PGK2: variants seen among roughly 807,000 people sequenced by gnomAD.
The protein encoded by PGK2 is phosphoglycerate kinase 2.
A neutral mutation model predicts 5.2 loss-of-function variants in PGK2; 5 were observed. That is an observed-to-expected ratio of 0.96 (90% confidence interval 0.50 to 2.01). The LOEUF (loss-of-function observed/expected upper bound fraction) is 2.01, where lower values mean the gene tolerates loss of function less well. PGK2 is among the 30% of genes most tolerant of loss of function. The probability of loss-of-function intolerance (pLI) is 0.01; values close to 1 mark genes in which losing one functional copy is unlikely to be tolerated. For missense variants in PGK2, 588 were observed against 506.8 expected (o/e 1.16, Z -1.54); for synonymous variants, 210 against 182.6 (o/e 1.15, Z -1.21).
rs778772605 is a variant in PGK2, at chr6:49,786,503, C to G, written c.685G>C (p.Asp229His). 2 of 1,614,114 alleles carry G rather than the reference C, an allele frequency of 1.2e-6. No individual in the cohort carries two copies. Among genetic ancestry groups the G allele is most frequent in the Non-Finnish European group, 1.7e-6 (2 of 1,180,000 alleles). Residue 229 changes from aspartate to histidine, a missense_variant, in exon 1 of 1, where the codon GAC becomes CAC. Physicochemically the swap from Asp to His is moderately conservative, Grantham distance 81. Transcript: ENST00000304801. ...CCAATAATCATCTCATTGACTTTGTCCAGCATATTTTTGATAAGTTGGATC... is the reference window on the plus strand; with the variant it reads ...CCAATAATCATCTCATTGACTTTGTGCAGCATATTTTTGATAAGTTGGATC... Reference protein sequence around the residue: ...DKIQLIKNMLDKVNEMIIGGG... With the variant: ...DKIQLIKNMLHKVNEMIIGGG...
At position 49,785,786 on chromosome 6, in the gene PGK2, A is replaced by G; in HGVS notation, c.*148T>C. ...AACTAAAATGAATTGCTGTGCTGAT[A>G]TTAAGAGTTCCTGATGGCCTGCTGC... On this transcript the variant is annotated 3_prime_UTR_variant, in exon 1 of 1. Transcript: ENST00000304801. The G allele has an allele frequency of 1.6e-6, 1 of 641,852 alleles. No homozygotes were observed. The highest frequency in any genetic ancestry group is 1.8e-5 in the African/African-American group (1 of 54,830). The allele number at this position is 641,852 out of a possible 1,614,324, so 39.8% of individuals were successfully genotyped here.
In PGK2 at chr6:49,786,514, T is replaced by C. The variant is rs186743372; in HGVS notation, c.674A>G (p.Lys225Arg). Residue 225 changes from lysine to arginine, a missense_variant, in exon 1 of 1, where the codon AAA (lysine) becomes AGA (arginine). Coordinates refer to ENST00000304801, the MANE Select transcript of PGK2 (RefSeq NM_138733.5). Reference sequence around the variant, plus strand: ...CTCATTGACTTTGTCCAGCATATTTTTGATAAGTTGGATCTTGTCTGCCAC... The same window carrying C: ...CTCATTGACTTTGTCCAGCATATTTCTGATAAGTTGGATCTTGTCTGCCAC... The part of the protein sequence containing the change: ...AKVADKIQLI[K>R]NMLDKVNEMI... The C allele has an allele frequency of 8.8e-5, 142 of 1,614,148 alleles. No individual in the cohort carries two copies. The Middle Eastern group carries it at 2.1e-3, about 24-fold the overall frequency.
chr6:49,785,949 G>A lies in PGK2; in HGVS notation c.1239C>T (p.Ala413=), dbSNP rs755765158. Residue 413 remains alanine, a synonymous_variant, in exon 1 of 1, where the codon GCC becomes GCT. Coordinates refer to ENST00000304801, the MANE Select transcript of PGK2 (RefSeq NM_138733.5). Reference sequence around the variant, plus strand: ...ACTATATTAACTACATGTTGCTGAGGGCCTCTACTCCAGGAAGGATTTTAC... The same window carrying A: ...ACTATATTAACTACATGTTGCTGAGAGCCTCTACTCCAGGAAGGATTTTAC... The part of the protein sequence containing the change: ...LEGKILPGVE[A]LSNM 2 of 1,613,648 alleles carry A rather than the reference G, an allele frequency of 1.2e-6. No homozygotes were observed. Among genetic ancestry groups the A allele is most frequent in the African/African-American group, 2.7e-5 (2 of 74,886 alleles).
At position 49,786,145 on chromosome 6, in the gene PGK2, A is replaced by G; in HGVS notation, c.1043T>C (p.Phe348Ser). Residue 348 changes from phenylalanine (F) to serine (S), a missense_variant, in exon 1 of 1, where the codon TTT becomes TCT. Transcript: ENST00000304801. The part of the protein sequence containing the change: ...GPLGVFEWDA[F>S]AKGTKALMDE... ...CATGAGGGCTTTGGTTCCCTTAGCAAAGGCATCCCATTCAAATACTCCTAA... is the reference window on the plus strand; with the variant it reads ...CATGAGGGCTTTGGTTCCCTTAGCAGAGGCATCCCATTCAAATACTCCTAA... The G allele has an allele frequency of 1.2e-6, 2 of 1,614,104 alleles. No homozygotes were observed. The highest frequency in any genetic ancestry group is 2.2e-5 in the South Asian group (2 of 91,074).
chr6:49,786,277 G>A lies in PGK2; in HGVS notation c.911C>T (p.Ala304Val). Residue 304 changes from alanine to valine, a missense_variant, in exon 1 of 1, where the codon GCA (alanine) becomes GTA (valine). By Grantham distance (64) the Ala-to-Val change is moderately conservative. Transcript: ENST00000304801. ...ENAQVGKATV[A>V]SGISPGWMGL... ...CATCCAGCCAGGAGATATGCCAGAT[G>A]CTACAGTGGCTTTTCCAACCTGAGC... 1 of 1,614,152 alleles carries A rather than the reference G, an allele frequency of 6.2e-7. No homozygotes were observed. Among genetic ancestry groups the A allele is most frequent in the Non-Finnish European group, 8.5e-7 (1 of 1,180,006 alleles).
At position 49,786,132 on chromosome 6, in the gene PGK2, G is replaced by T. The variant is rs1428090790; in HGVS notation, c.1056C>A (p.Thr352=). 1.9e-6 allele frequency: 3 copies of T among 1,613,920 alleles called. No homozygotes were observed. Among genetic ancestry groups the T allele is most frequent in the Admixed American group, 1.7e-5 (1 of 59,964 alleles). The change falls in exon 1 of 1, where the codon ACC becomes ACA. Residue 352 remains threonine (T), a synonymous_variant. Transcript: ENST00000304801. The part of the protein sequence containing the change: ...VFEWDAFAKG[T]KALMDEIVKA... Reference sequence around the variant, plus strand: ...TCACAATTTCATCCATGAGGGCTTTGGTTCCCTTAGCAAAGGCATCCCATT... The same window carrying T: ...TCACAATTTCATCCATGAGGGCTTTTGTTCCCTTAGCAAAGGCATCCCATT...
Position 49,786,670 on chromosome 6 carries a change from T to C in PGK2, c.518A>G (p.His173Arg). ...CAGATTCACTCCCACCATGGAACTA[T>C]GAGCGCGGTGTGCAGTGCCAAAAGC... ...NDAFGTAHRA[H>R]SSMVGVNLPH... The change falls in exon 1 of 1, where the codon CAT becomes CGT. Residue 173 changes from histidine (H) to arginine (R), a missense_variant. By Grantham distance (29) the His-to-Arg change is conservative (BLOSUM62 0). Coordinates refer to ENST00000304801, the MANE Select transcript of PGK2 (RefSeq NM_138733.5). The C allele has an allele frequency of 1.2e-6, 2 of 1,614,166 alleles. No individual in the cohort carries two copies. Among genetic ancestry groups the C allele is most frequent in the Non-Finnish European group, 1.7e-6 (2 of 1,180,014 alleles).
At position 49,787,031 on chromosome 6, in the gene PGK2, T is replaced by C. The variant is rs201278163; in HGVS notation, c.157A>G (p.Asn53Asp). The C allele has an allele frequency of 7.7e-5, 125 of 1,613,980 alleles. No individual in the cohort carries two copies. Among genetic ancestry groups the C allele is most frequent in the Non-Finnish European group, 1.0e-4 (118 of 1,179,986 alleles). ...ATAAGAACTACTGCCTTGGCTCCAT[T>C]GTCCAGGCAGTACTTGATGCTTGGG... ...SIPSIKYCLD[N>D]GAKAVVLMSH... The change falls in exon 1 of 1, where the codon AAT (asparagine) becomes GAT (aspartate). Residue 53 changes from asparagine to aspartate, a missense_variant. Transcript: ENST00000304801.
rs753580221 is a variant in PGK2, at chr6:49,786,073, C to G, written c.1115G>C (p.Gly372Ala). The G allele has an allele frequency of 3.1e-6, 5 of 1,614,120 alleles. No homozygotes were observed. The highest frequency in any genetic ancestry group is 1.6e-4 in the Middle Eastern group (1 of 6,062). ...ATSKGCITVI[G>A]GGDTATCCAK... ...ACAGCAAGTAGCAGTGTCTCCACCC[C>G]CTATAACAGTGATGCAGCCCTTGGA... is the stretch of plus-strand genomic sequence containing the variant. Residue 372 changes from glycine (G) to alanine (A), a missense_variant, in exon 1 of 1, where the codon GGG becomes GCG. Gly to Ala is a moderately conservative substitution (Grantham distance 60). Transcript: ENST00000304801.
Position 49,786,492 on chromosome 6 carries a change from A to G in PGK2, c.696T>C (p.Asn232=), listed in dbSNP as rs777427058. 1.3e-6 allele frequency: 2 copies of G among 1,596,482 alleles called. No homozygotes were observed. Among genetic ancestry groups the G allele is most frequent in the South Asian group, 1.1e-5 (1 of 90,726 alleles). Residue 232 remains asparagine (N), a synonymous_variant, in exon 1 of 1, where the codon AAT becomes AAC. Transcript: ENST00000304801. The part of the protein sequence containing the change: ...QLIKNMLDKV[N]EMIIGGGMAY... The stretch of plus-strand genomic sequence containing the variant: ...CCATTCCACCACCAATAATCATCTC[A>G]TTGACTTTGTCCAGCATATTTTTGA...
chr6:49,786,425 C>A lies in PGK2; in HGVS notation c.763G>T (p.Ala255Ser). Reference protein sequence around the residue: ...LKVLNNMEIGASLFDEEGAKI... With the variant: ...LKVLNNMEIGSSLFDEEGAKI... Reference sequence around the variant, plus strand: ...GCTCCCTCTTCATCAAACAGGGAAGCACCAATCTCCATGTTGTTGAGTACC... The same window carrying A: ...GCTCCCTCTTCATCAAACAGGGAAGAACCAATCTCCATGTTGTTGAGTACC... Residue 255 changes from alanine (A) to serine (S), a missense_variant, in exon 1 of 1, where the codon GCT becomes TCT. Physicochemically the swap from Ala to Ser is moderately conservative, Grantham distance 99 (BLOSUM62 1). Coordinates refer to ENST00000304801, the MANE Select transcript of PGK2 (RefSeq NM_138733.5). The A allele has an allele frequency of 6.2e-7, 1 of 1,614,132 alleles. No homozygotes were observed. The highest frequency in any genetic ancestry group is 1.3e-5 in the African/African-American group (1 of 75,038).
rs2127460120 is a variant in PGK2 at position 49,787,168 on chromosome 6, A to T, written c.20T>A (p.Leu7Ter). The part of the protein sequence containing the change: MSLSKK[L>*]TLDKLDVRGK... ...TCTAACATCCAGTTTGTCTAAAGTCAACTTCTTAGAAAGAGACATCTTGAC... is the reference window on the plus strand; with the variant it reads ...TCTAACATCCAGTTTGTCTAAAGTCTACTTCTTAGAAAGAGACATCTTGAC... Residue 7 changes from leucine (L) to a stop codon, truncating the protein, a stop_gained, in exon 1 of 1, where the codon TTG becomes TAG. Transcript: ENST00000304801. LOFTEE classifies it low-confidence loss of function (END_TRUNC). 1 of 1,612,694 alleles carries T rather than the reference A, an allele frequency of 6.2e-7. No individual in the cohort carries two copies. Among genetic ancestry groups the T allele is most frequent in the Non-Finnish European group, 8.5e-7 (1 of 1,179,034 alleles).
chr6:49,786,862 G>A lies in PGK2; in HGVS notation c.326C>T (p.Ala109Val), dbSNP rs747215075. 6.2e-7 allele frequency: 1 copy of A among 1,613,950 alleles called. No homozygotes were observed. The highest frequency in any genetic ancestry group is 1.3e-5 in the African/African-American group (1 of 74,882). ...CVGAEVEKAC[A>V]NPAPGSVILL... The stretch of plus-strand genomic sequence containing the variant: ...GATGACTGAACCAGGAGCTGGGTTG[G>A]CACAGGCTTTCTCCACTTCTGCGCC... The change falls in exon 1 of 1, where the codon GCC becomes GTC. Residue 109 changes from alanine to valine, a missense_variant. Physicochemically the swap from Ala to Val is moderately conservative, Grantham distance 64. Coordinates refer to ENST00000304801, the MANE Select transcript of PGK2 (RefSeq NM_138733.5).
chr6:49,786,182 A>G lies in PGK2; in HGVS notation c.1006T>C (p.Trp336Arg). The stretch of plus-strand genomic sequence containing the variant: ...TCAAATACTCCTAACGGCCCATTCC[A>G]AACAATTAGCCTTGCTTGAGCCACA... The part of the protein sequence containing the change: ...QVVAQARLIV[W>R]NGPLGVFEWD... The change falls in exon 1 of 1, where the codon TGG becomes CGG. Residue 336 changes from tryptophan to arginine, a missense_variant. Trp to Arg is a moderately radical substitution (Grantham distance 101, BLOSUM62 -3). Coordinates refer to ENST00000304801, the MANE Select transcript of PGK2 (RefSeq NM_138733.5). 4.3e-6 allele frequency: 7 copies of G among 1,614,130 alleles called. No individual in the cohort carries two copies. The highest frequency in any genetic ancestry group is 1.1e-5 in the South Asian group (1 of 91,086).
In PGK2 at chr6:49,786,657, C is replaced by T. The variant is rs572408515; in HGVS notation, c.531G>A (p.Val177=). ...ATGCTTTATGGGGCAGATTCACTCC[C>T]ACCATGGAACTATGAGCGCGGTGTG... ...GTAHRAHSSM[V]GVNLPHKASG... Residue 177 remains valine (V), a synonymous_variant, in exon 1 of 1, where the codon GTG becomes GTA. Transcript: ENST00000304801. 28 of 1,614,128 alleles carry T rather than the reference C, an allele frequency of 1.7e-5. No individual in the cohort carries two copies. In the African/African-American group the frequency reaches 3.3e-4, roughly 19 times the overall value.
At position 49,786,999 on chromosome 6, in the gene PGK2, A is replaced by C; in HGVS notation, c.189T>G (p.His63Gln). ...NGAKAVVLMS[H>Q]LGRPDGVPMP... ...TGGGAACACCATCAGGCCGACCTAGATGACTCATAAGAACTACTGCCTTGG... is the reference window on the plus strand; with the variant it reads ...TGGGAACACCATCAGGCCGACCTAGCTGACTCATAAGAACTACTGCCTTGG... The change falls in exon 1 of 1, where the codon CAT becomes CAG. Residue 63 changes from histidine to glutamine, a missense_variant. Coordinates refer to ENST00000304801, the MANE Select transcript of PGK2 (RefSeq NM_138733.5). 1 of 1,614,078 alleles carries C rather than the reference A, an allele frequency of 6.2e-7. No homozygotes were observed. The highest frequency in any genetic ancestry group is 8.5e-7 in the Non-Finnish European group (1 of 1,179,974).
rs1234585913 is a variant in PGK2, at chr6:49,787,085, T to C, written c.103A>G (p.Thr35Ala). Reference protein sequence around the residue: ...FNVPMKKNQITNNQRIKASIP... With the variant: ...FNVPMKKNQIANNQRIKASIP... The stretch of plus-strand genomic sequence containing the variant: ...GAAGCCTTGATCCTCTGGTTGTTTG[T>C]AATCTGGTTCTTCTTCATGGGAACA... The change falls in exon 1 of 1, where the codon ACA becomes GCA. Residue 35 changes from threonine to alanine, a missense_variant. Coordinates refer to ENST00000304801, the MANE Select transcript of PGK2 (RefSeq NM_138733.5). 4 of 1,613,976 alleles carry C rather than the reference T, an allele frequency of 2.5e-6. No individual in the cohort carries two copies. In the East Asian group the frequency reaches 8.9e-5, roughly 36 times the overall value.
At position 49,787,102 on chromosome 6, in the gene PGK2, A is replaced by G; in HGVS notation, c.86T>C (p.Met29Thr). Residue 29 changes from methionine (M) to threonine (T), a missense_variant, in exon 1 of 1, where the codon ATG becomes ACG. By Grantham distance (81) the Met-to-Thr change is moderately conservative. Transcript: ENST00000304801. ...GTTGTTTGTAATCTGGTTCTTCTTC[A>G]TGGGAACATTGAAGTCTACTCTCAT... ...VIMRVDFNVP[M>T]KKNQITNNQR... is the part of the protein sequence containing the mutation. The G allele has an allele frequency of 1.2e-6, 2 of 1,613,898 alleles. No homozygotes were observed. The highest frequency in any genetic ancestry group is 1.7e-6 in the Non-Finnish European group (2 of 1,179,886).
chr6:49,786,426 A>G lies in PGK2; in HGVS notation c.762T>C (p.Gly254=). The change falls in exon 1 of 1, where the codon GGT becomes GGC. Residue 254 remains glycine, a synonymous_variant. Transcript: ENST00000304801. ...FLKVLNNMEI[G]ASLFDEEGAK... ...CTCCCTCTTCATCAAACAGGGAAGC[A>G]CCAATCTCCATGTTGTTGAGTACCT... is the stretch of plus-strand genomic sequence containing the variant. 6.2e-7 allele frequency: 1 copy of G among 1,614,152 alleles called. No homozygotes were observed. Among genetic ancestry groups the G allele is most frequent in the Non-Finnish European group, 8.5e-7 (1 of 1,180,008 alleles).
Sources: gnomAD v4.1 joint callset for allele counts on GRCh38, gnomAD v4.1.1 for gene constraint, MANE v1.5 for transcripts, NCBI Gene and HGNC (gene_info 2026-07-23, HGNC 2026-07-21) for gene names.